Variants in HECTD3 observed in about 807,000 individuals in gnomAD.
HECTD3 encodes the protein E3 ubiquitin-protein ligase HECTD3.
In HECTD3, 72 loss-of-function variants were observed where a neutral mutation model predicts 109.3. The ratio of observed to expected loss-of-function variants is 0.66; its 90% CI spans 0.54 to 0.80. The LOEUF is 0.80. Ranked by LOEUF, HECTD3 falls within the 30% of genes least tolerant of loss-of-function variation. HECTD3 has a pLI of 0.00. For missense variants in HECTD3, 1,041 were observed against 1,165.2 expected, an observed-to-expected ratio of 0.89 and a Z score of 1.55; for synonymous variants, 481 against 471.8, an observed-to-expected ratio of 1.02 and a Z score of -0.25.
rs765027418 is a variant in HECTD3, at chr1:45,003,518, T to C, written c.2560A>G (p.Thr854Ala). 1.2e-6 allele frequency: 2 copies of C among 1,614,060 alleles called. No homozygotes were observed. Among genetic ancestry groups the C allele is most frequent in the Admixed American group, 1.7e-5 (1 of 59,996 alleles). The change falls in exon 21 of 21, where the codon ACT (threonine) becomes GCT (alanine). Residue 854 changes from threonine to alanine, a missense_variant. By Grantham distance (58) the Thr-to-Ala change is moderately conservative. This residue lies in a region of HECTD3 where 569 missense variants were observed against 715.3 expected (regional missense o/e 0.80). Coordinates refer to ENST00000372172, the MANE Select transcript of HECTD3 (RefSeq NM_024602.6). This position sits in a 1 kb window ranked among gnomAD's most constrained non-coding sequence, Gnocchi z 4.7. Reference protein sequence around the residue: ...YAAYNCVAIDTDMSPWEE With the variant: ...YAAYNCVAIDADMSPWEE Reference sequence around the variant, plus strand: ...CACTCCTCCCAAGGGCTCATGTCAGTGTCGATGGCCACGCAGTTGTAGGCC... The same window carrying C: ...CACTCCTCCCAAGGGCTCATGTCAGCGTCGATGGCCACGCAGTTGTAGGCC...
chr1:45,005,829 A>G lies in HECTD3; in HGVS notation c.1900T>C (p.Trp634Arg). 6.2e-7 allele frequency: 1 copy of G among 1,608,032 alleles called. No homozygotes were observed. The highest frequency in any genetic ancestry group is 8.5e-7 in the Non-Finnish European group (1 of 1,176,788). Residue 634 changes from tryptophan (W) to arginine (R), a missense_variant, in exon 15 of 21, where the codon TGG (tryptophan) becomes CGG (arginine). Physicochemically the swap from Trp to Arg is moderately radical, Grantham distance 101. This residue lies in a region of HECTD3 where 569 missense variants were observed against 715.3 expected (regional missense o/e 0.80). Coordinates refer to ENST00000372172, the MANE Select transcript of HECTD3 (RefSeq NM_024602.6). ...WKQLSGEEVS[W>R]SKDFPAVDSV... ...TCCACAGCTGGGAAGTCCTTGCTCCAGCTCACCTCCTCACCAGAAAGCTGC... is the reference window on the plus strand; with the variant it reads ...TCCACAGCTGGGAAGTCCTTGCTCCGGCTCACCTCCTCACCAGAAAGCTGC...
Position 45,010,052 on chromosome 1 carries a change from G to A in HECTD3, c.693C>T (p.Gly231=), listed in dbSNP as rs368385769. The A allele has an allele frequency of 6.4e-7, 1 of 1,569,144 alleles. No individual in the cohort carries two copies. Among genetic ancestry groups the A allele is most frequent in the Non-Finnish European group, 8.7e-7 (1 of 1,153,806 alleles). ...CGCTACCCAGGTTCTCATCCTCCTT[G>A]CCCAGGTGGTCATACAAGAAGTGGA... The part of the protein sequence containing the change: ...DLIHFLYDHL[G]KEDENLGSVK... Residue 231 remains glycine, a synonymous_variant, in exon 4 of 21, where the codon GGC becomes GGT. Coordinates refer to ENST00000372172, the MANE Select transcript of HECTD3 (RefSeq NM_024602.6).
At chr1:45,009,037 G>T in intron 7 of HECTD3, 107 bp downstream of exon 7, 2 of 924,876 alleles carry the variant, frequency 2.2e-6, no homozygotes, top group Non-Finnish European at 3.5e-6. Context: ...GTTCAGCATC[G>T]CCTTCACCCC....
rs776604623 is a variant in HECTD3, at chr1:45,007,545, A to G, written c.1371T>C (p.Ala457=). ...TGCTCTCAGAGTCACGCAGGCACTG[A>G]GCCACCAGGCCTGGCCGCTGGCGGG... The part of the protein sequence containing the change: ...LLSRQRPGLV[A]QCLRDSESSK... The change falls in exon 10 of 21, where the codon GCT becomes GCC. Residue 457 remains alanine (A), a synonymous_variant. Transcript: ENST00000372172. 1.2e-6 allele frequency: 2 copies of G among 1,613,686 alleles called. No individual in the cohort carries two copies. Among genetic ancestry groups the G allele is most frequent in the Non-Finnish European group, 1.7e-6 (2 of 1,180,002 alleles).
Position 45,003,690 on chromosome 1 carries a change from A to C in HECTD3, c.2480T>G (p.Leu827Arg). The C allele has an allele frequency of 6.2e-7, 1 of 1,613,984 alleles. No homozygotes were observed. The highest frequency in any genetic ancestry group is 8.5e-7 in the Non-Finnish European group (1 of 1,179,992). ...CCACCTGGCATAGTGTGGCAGGAAG[A>C]GGGTGCTGGAGCAAGTGGAAGACTC... ...LPESSTCSST[L>R]FLPHYASAKV... Residue 827 changes from leucine to arginine, a missense_variant, in exon 20 of 21, where the codon CTC (leucine) becomes CGC (arginine). Leu to Arg is a moderately radical substitution (Grantham distance 102). Coordinates refer to ENST00000372172, the MANE Select transcript of HECTD3 (RefSeq NM_024602.6). The surrounding 1 kb of genome is among the most constrained non-coding windows in gnomAD (Gnocchi z 4.7).
Position 45,003,521 on chromosome 1 carries a change from C to T in HECTD3, c.2557G>A (p.Asp853Asn). Reference protein sequence around the residue: ...RYAAYNCVAIDTDMSPWEE With the variant: ...RYAAYNCVAINTDMSPWEE ...TCCTCCCAAGGGCTCATGTCAGTGTCGATGGCCACGCAGTTGTAGGCCGCA... is the reference window on the plus strand; with the variant it reads ...TCCTCCCAAGGGCTCATGTCAGTGTTGATGGCCACGCAGTTGTAGGCCGCA... The change falls in exon 21 of 21, where the codon GAC (aspartate) becomes AAC (asparagine). Residue 853 changes from aspartate to asparagine, a missense_variant. Coordinates refer to ENST00000372172, the MANE Select transcript of HECTD3 (RefSeq NM_024602.6). This position sits in a 1 kb window ranked among gnomAD's most constrained non-coding sequence, Gnocchi z 4.7. The T allele has an allele frequency of 6.2e-7, 1 of 1,614,202 alleles. No individual in the cohort carries two copies. The highest frequency in any genetic ancestry group is 8.5e-7 in the Non-Finnish European group (1 of 1,180,032).
Position 45,004,067 on chromosome 1 carries a change from G to A in HECTD3, c.2340C>T (p.Phe780=). ...CTGCCCTCCTCCACTGACCGTTGGT[G>A]AAGTTGTTCAGTGCCTCCCAGAAAT... ...VQYFWEALNN[F]TNEDRSRFLR... is the part of the protein sequence containing the mutation. The change falls in exon 18 of 21, where the codon TTC becomes TTT. Residue 780 remains phenylalanine, a synonymous_variant. Transcript: ENST00000372172. 6.2e-7 allele frequency: 1 copy of A among 1,614,062 alleles called. No individual in the cohort carries two copies. The highest frequency in any genetic ancestry group is 1.1e-5 in the South Asian group (1 of 91,090).
At chr1:45,007,152 G>A in intron 11 of HECTD3, 67 bp downstream of exon 11, 1 of 1,124,228 alleles carries the variant, frequency 8.9e-7, no homozygotes. Context: ...GTGTGTGTGT[G>A]TGTGTTTGTG....
In HECTD3 at chr1:45,003,965, A is replaced by G. The variant is rs755423960; in HGVS notation, c.2348-29T>C. 3.1e-6 allele frequency: 5 copies of G among 1,613,210 alleles called. No homozygotes were observed. Among genetic ancestry groups the G allele is most frequent in the African/African-American group, 2.7e-5 (2 of 74,912 alleles). ...GAGGGAGAAGGAAATCAGTGCCTGC[A>G]TGGATGGTGAGGGAGGGTCTACAAC... On this transcript the variant is annotated intron_variant, in intron 18 of 20. Transcript: ENST00000372172. The surrounding 1 kb of genome is among the most constrained non-coding windows in gnomAD (Gnocchi z 4.7).
At chr1:45,007,077 T>A in intron 11 of HECTD3, 62 bp from the exon 12 acceptor site, 1 of 1,597,334 alleles carries the variant, frequency 6.3e-7, no homozygotes, top group South Asian at 1.1e-5. Context: ...ATTCATCAGC[T>A]CAGAGACCAC....
intron 4 of HECTD3, 110 bp from the exon 5 acceptor site, chr1:45,009,793 G>A: frequency 9.2e-7 from 1 of 1,090,274 alleles, no homozygotes; most frequent in East Asian, 2.4e-5. Flanking sequence ...TGGGCTAACA[G>A]GCAACTGGTA....
Position 45,009,486 on chromosome 1 carries a change from A to G in HECTD3, c.876-4T>C. ...ATCCACTGTGAGTAGCAGCTTCCTGAAGGGTCAGAGTGTGAATATGAGTCT... is the reference window on the plus strand; with the variant it reads ...ATCCACTGTGAGTAGCAGCTTCCTGGAGGGTCAGAGTGTGAATATGAGTCT... On this transcript the variant is annotated splice_region_variant and splice_polypyrimidine_tract_variant and intron_variant, in intron 5 of 20. Transcript: ENST00000372172. 1 of 1,612,932 alleles carries G rather than the reference A, an allele frequency of 6.2e-7. No individual in the cohort carries two copies. Among genetic ancestry groups the G allele is most frequent in the Non-Finnish European group, 8.5e-7 (1 of 1,178,974 alleles).
Position 45,006,039 on chromosome 1 carries a change from G to C in HECTD3, c.1803C>G (p.Ile601Met). The change falls in exon 14 of 21, where the codon ATC (isoleucine) becomes ATG (methionine). Residue 601 changes from isoleucine (I) to methionine (M), a missense_variant. Physicochemically the swap from Ile to Met is conservative, Grantham distance 10. This residue lies in a region of HECTD3 where 569 missense variants were observed against 715.3 expected (regional missense o/e 0.80). Transcript: ENST00000372172. This position sits in a 1 kb window ranked among gnomAD's most constrained non-coding sequence, Gnocchi z 4.7. ...SCRDFAKYEW[I>M]GQLMGAALRG... ...GAAGGGCAGCCCCCATCAGCTGTCCGATCCATTCATACTTGGCAAAGTCTC... is the reference window on the plus strand; with the variant it reads ...GAAGGGCAGCCCCCATCAGCTGTCCCATCCATTCATACTTGGCAAAGTCTC... The C allele has an allele frequency of 6.2e-7, 1 of 1,614,146 alleles. No homozygotes were observed. Among genetic ancestry groups the C allele is most frequent in the Non-Finnish European group, 8.5e-7 (1 of 1,180,016 alleles).
intron 4 of HECTD3, 74 bp from the exon 5 acceptor site, chr1:45,009,757 G>A (rs1644768165): frequency 1.0e-5 from 13 of 1,259,594 alleles, no homozygotes; most frequent in Non-Finnish European, 1.5e-5. Context: ...TGGGCCAGGA[G>A]CACCAGAGAG....
Position 45,005,871 on chromosome 1 carries a change from G to T in HECTD3, c.1858C>A (p.Pro620Thr), listed in dbSNP as rs1644730893. The T allele has an allele frequency of 6.2e-7, 1 of 1,607,798 alleles. No homozygotes were observed. The part of the protein sequence containing the change: ...RGKEFLVLAL[P>T]GFVWKQLSGE... ...GAAAGCTGCTTCCACACAAAACCAG[G>T]CAGGGCCAGGACCTGTGTGACAAAC... Residue 620 changes from proline to threonine, a missense_variant, in exon 15 of 21, where the codon CCT (proline) becomes ACT (threonine). By Grantham distance (38) the Pro-to-Thr change is conservative. This residue lies in a region of HECTD3 where 569 missense variants were observed against 715.3 expected (regional missense o/e 0.80). Transcript: ENST00000372172.
Position 45,011,045 on chromosome 1 carries a change from C to T in HECTD3, c.213G>A (p.Leu71=). The change falls in exon 1 of 21, where the codon CTG becomes CTA. Residue 71 remains leucine, a synonymous_variant. Coordinates refer to ENST00000372172, the MANE Select transcript of HECTD3 (RefSeq NM_024602.6). ...GGCCTGCGGCGCCCACACGCAGCCCCAGGCCCTCTGCCTCCCACACCGGCA... is the reference window on the plus strand; with the variant it reads ...GGCCTGCGGCGCCCACACGCAGCCCTAGGCCCTCTGCCTCCCACACCGGCA... ...VLLPVWEAEG[L]GLRVGAAGPA... is the part of the protein sequence containing the mutation. 7.0e-7 allele frequency: 1 copy of T among 1,438,150 alleles called. No individual in the cohort carries two copies. Among genetic ancestry groups the T allele is most frequent in the South Asian group, 1.4e-5 (1 of 71,114 alleles). 89.1% of individuals were successfully genotyped at this position (1,438,150 alleles called of 1,614,324 possible).
chr1:45,004,960 A>G (rs781538521), intron 15 of HECTD3, 154 bp from the exon 16 acceptor site: 6 of 694,370 alleles, frequency 8.6e-6, no homozygotes, highest in Non-Finnish European at 1.5e-5. Flanking sequence ...GAGCTGTAAA[A>G]GCATCAAGAC....
At position 45,010,534 on chromosome 1, in the gene HECTD3, C is replaced by T; in HGVS notation, c.530+12G>A. ...CTTCTGACAGCCAGCCCCGCTCCTTCAAGTGCAGTACCTGAGCACCGGCCG... is the reference window on the plus strand; with the variant it reads ...CTTCTGACAGCCAGCCCCGCTCCTTTAAGTGCAGTACCTGAGCACCGGCCG... On this transcript the variant is annotated intron_variant, in intron 2 of 20. Transcript: ENST00000372172. 2 of 1,613,406 alleles carry T rather than the reference C, an allele frequency of 1.2e-6. No homozygotes were observed. The highest frequency in any genetic ancestry group is 1.7e-6 in the Non-Finnish European group (2 of 1,179,916).
Position 45,005,982 on chromosome 1 carries a change from G to C in HECTD3, c.1845+15C>G. On this transcript the variant is annotated intron_variant, in intron 14 of 20. Coordinates refer to ENST00000372172, the MANE Select transcript of HECTD3 (RefSeq NM_024602.6). ...CCAGGGCTGATCGGACGGGGGTGTG[G>C]ATAAGGCTACTCACCAGGAACTCCT... 2 of 1,613,406 alleles carry C rather than the reference G, an allele frequency of 1.2e-6. No homozygotes were observed. The highest frequency in any genetic ancestry group is 1.7e-6 in the Non-Finnish European group (2 of 1,179,528).
Sources: gnomAD v4.1 joint callset for allele counts on GRCh38, gnomAD v4.1.1 for gene constraint, gnomAD v4.1.1 regional missense constraint, Gnocchi (gnomAD v3.1) non-coding constraint, MANE v1.5 for transcripts, NCBI Gene and HGNC (gene_info 2026-07-23, HGNC 2026-07-21) for gene names.